FSCN2: variants seen among roughly 807,000 people sequenced by gnomAD.
FSCN2 encodes fascin actin-bundling protein 2, retinal, also known as fascin-2.
FSCN2 carries 46 observed loss-of-function variants against 37.8 expected under a neutral mutation model. The observed-to-expected ratio is 1.22, with a 90% CI of 0.96 to 1.56. The LOEUF (loss-of-function observed/expected upper bound fraction) is 1.56. Among genes scored for constraint, FSCN2 ranks in the 40% most tolerant of loss-of-function variants. The pLI is 0.00. For missense variants in FSCN2, 844 were observed against 730.4 expected, an observed-to-expected ratio of 1.16 and a Z score of -1.79; for synonymous variants, 351 against 309.4, an observed-to-expected ratio of 1.13 and a Z score of -1.41.
At chr17:81,516,902 T>A in the FSCN2 span, among the ~76,000 whole-genome samples, 5 of 151,908 alleles carry the variant, frequency 3.3e-5, no homozygotes, top group Non-Finnish European at 4.4e-5. Context: ...TTTGTCCAAT[T>A]CTCACCTGGT....
At position 81,528,492 on chromosome 17, in the gene FSCN2, G is replaced by A. The variant is rs889609923; in HGVS notation, c.-40G>A. On this transcript the variant is annotated 5_prime_UTR_variant, in exon 1 of 5. Coordinates refer to ENST00000417245, the MANE Select transcript of FSCN2 (RefSeq NM_012418.4). ...CGCGGGGGCCGTGAGCACTCAGAGGGCGCATCCCAGGCCCCTCCGGGGACC... is the reference window on the plus strand; with the variant it reads ...CGCGGGGGCCGTGAGCACTCAGAGGACGCATCCCAGGCCCCTCCGGGGACC... 6.9e-5 allele frequency: 100 copies of A among 1,459,060 alleles called. No individual in the cohort carries two copies. Among genetic ancestry groups the A allele is most frequent in the Non-Finnish European group, 8.6e-5 (92 of 1,066,302 alleles). 90.4% of individuals were successfully genotyped at this position (1,459,060 alleles called of 1,614,324 possible). A position where few individuals can be genotyped will look rare whatever the true frequency, so the allele number is the denominator to read the frequency against.
chr17:81,515,329 G>A, the FSCN2 span, among the ~76,000 whole-genome samples: 35 of 152,336 alleles, frequency 2.3e-4, no homozygotes, highest in East Asian at 1.9e-4. Context: ...GCCTGGGGAG[G>A]GGACCGCATG....
chr17:81,528,618 C>T lies in FSCN2; in HGVS notation c.87C>T (p.Phe29=), dbSNP rs377085709. 3.4e-5 allele frequency: 55 copies of T among 1,607,066 alleles called. No homozygotes were observed. The highest frequency in any genetic ancestry group is 9.0e-5 in the East Asian group (4 of 44,576). ...ACCGCTACCTGACAGCTGAGAGCTT[C>T]GGCTTCAAGGTCAATGCCTCGGCAC... is the stretch of plus-strand genomic sequence containing the variant. ...DTDRYLTAES[F]GFKVNASAPS... Residue 29 remains phenylalanine (F), a synonymous_variant, in exon 1 of 5, where the codon TTC becomes TTT. Transcript: ENST00000417245.
the FSCN2 span, among the ~76,000 whole-genome samples, chr17:81,519,775 C>T: frequency 6.6e-6 from 1 of 152,144 alleles, no homozygotes. Flanking sequence ...CCCGGGCCTC[C>T]ACTCACTGCC....
At chr17:81,531,204 GTGGTGA>G (rs2032542519) in intron 1 of FSCN2, among the ~76,000 whole-genome samples, 2 of 99,360 alleles carry the variant, frequency 2.0e-5, no homozygotes, top group Non-Finnish European at 4.0e-5. Flanking sequence ...GGTGGTGATG[GTGGTGA>G]TGGTGGTGAT....
chr17:81,532,296 A>ATGATGATGG (rs1555671485), intron 1 of FSCN2, among the ~76,000 whole-genome samples: 8,146 of 98,812 alleles, frequency 0.082, 966 homozygotes, highest in African/African-American at 0.26. Context: ...GGTGGTGATG[A>ATGATGATGG]TGATGATAGT....
At chr17:81,533,653 C>A (rs1417822117) in intron 1 of FSCN2, among the ~76,000 whole-genome samples, 2 of 152,216 alleles carry the variant, frequency 1.3e-5, no homozygotes, top group African/African-American at 4.8e-5. Flanking sequence ...CACTCATTTG[C>A]CAGAACTGAG....
chr17:81,526,053 C>T (rs1021133675), upstream of FSCN2, among the ~76,000 whole-genome samples: 6 of 152,368 alleles, frequency 3.9e-5, no homozygotes, highest in East Asian at 5.8e-4. Flanking sequence ...TCATTTCTGG[C>T]TCTGCCACCA....
Position 81,535,169 on chromosome 17 carries a change from T to C in FSCN2, c.944T>C (p.Leu315Pro). 1 of 1,533,544 alleles carries C rather than the reference T, an allele frequency of 6.5e-7. No individual in the cohort carries two copies. The highest frequency in any genetic ancestry group is 8.7e-7 in the Non-Finnish European group (1 of 1,145,392). 95.0% of individuals were successfully genotyped at this position (1,533,544 alleles called of 1,614,324 possible). ...TCCAGCACTGGGGGCTACTGGACCC[T>C]GGTCACCCATGGGGGCATTCACGCC... ...FYSSTGGYWTLVTHGGIHATA... is the reference protein window; with the variant it reads ...FYSSTGGYWTPVTHGGIHATA... The change falls in exon 2 of 5, where the codon CTG becomes CCG. Residue 315 changes from leucine (L) to proline (P), a missense_variant. Transcript: ENST00000417245.
chr17:81,527,105 C>G (rs1483935581), upstream of FSCN2: 2 of 152,290 alleles, frequency 1.3e-5, no homozygotes, highest in Non-Finnish European at 2.9e-5. Flanking sequence ...AGGAAGAGCC[C>G]CTGAGTCTGT....
chr17:81,535,866 TCCATCCCCATCCCCATCTCCATCTTCA>T (rs2143901605), intron 2 of FSCN2, among the ~76,000 whole-genome samples: 1 of 69,520 alleles, frequency 1.4e-5, no homozygotes, highest in Admixed American at 1.5e-4. Context: ...CATCCCCCTC[TCCATCCCCATCCCCATCTCCATCTTCA>T]CCATCCCCAC....
chr17:81,520,160 AG>A, the FSCN2 span, among the ~76,000 whole-genome samples: 1 of 151,470 alleles, frequency 6.6e-6, no homozygotes, highest in Admixed American at 6.6e-5. Flanking sequence ...GGAAAGTCAG[AG>A]GGGGCACTGC....
Position 81,536,552 on chromosome 17 carries a change from C to A in FSCN2, c.1106-70C>A, listed in dbSNP as rs770639924. ...AGTCCAGGTGTGGCGTTTCCCAGGG[C>A]CCCCACCCCGCCCGGCCTGGACAGG... On this transcript the variant is annotated intron_variant, in intron 3 of 4. Transcript: ENST00000417245. 3.2e-6 allele frequency: 5 copies of A among 1,584,212 alleles called. No homozygotes were observed. The highest frequency in any genetic ancestry group is 1.7e-4 in the Middle Eastern group (1 of 6,032).
chr17:81,532,673 G>A (rs1440555583), intron 1 of FSCN2, among the ~76,000 whole-genome samples: 1 of 149,152 alleles, frequency 6.7e-6, no homozygotes, highest in East Asian at 2.0e-4. Context: ...TGGAGGCAAT[G>A]GTGATGATAG....
upstream of FSCN2, chr17:81,523,946 A>ACAG (rs2032276517): frequency 6.6e-6 from 1 of 152,394 alleles, no homozygotes; most frequent in Non-Finnish European, 1.5e-5. Flanking sequence ...ATGGCAGCAG[A>ACAG]CAGCGTGCCA....
upstream of FSCN2, among the ~76,000 whole-genome samples, chr17:81,525,688 G>A (rs2032330442): frequency 6.6e-6 from 1 of 152,216 alleles, no homozygotes; most frequent in Admixed American, 6.5e-5. Context: ...TTGTGCCATT[G>A]CACTCCAGCC....
chr17:81,531,146 A>AATGATGGTGATGGTG (rs1555671182), intron 1 of FSCN2, among the ~76,000 whole-genome samples: 1 of 121,868 alleles, frequency 8.2e-6, no homozygotes, highest in East Asian at 2.3e-4. Context: ...CAGCAGCGAC[A>AATGATGGTGATGGTG]ATGATGGTGA....
chr17:81,516,477 A>G, the FSCN2 span, among the ~76,000 whole-genome samples: 1 of 152,162 alleles, frequency 6.6e-6, no homozygotes, highest in Non-Finnish European at 1.5e-5. Flanking sequence ...GGACAGATGA[A>G]ATGCAAGGTG....
chr17:81,529,805 CTTCA>C (rs2032490028), intron 1 of FSCN2, among the ~76,000 whole-genome samples: 1 of 152,138 alleles, frequency 6.6e-6, no homozygotes, highest in Admixed American at 6.5e-5. Context: ...ATTTTCTGGA[CTTCA>C]TTTATTTATT....
Sources: allele counts gnomAD v4.1 joint callset (sites outside exome capture counted in the v4.1 genomes callset), GRCh38; gene constraint gnomAD v4.1.1; transcripts MANE v1.5; gene names NCBI Gene and HGNC (gene_info 2026-07-23, HGNC 2026-07-21).